The following ARID5B variants were observed in gnomAD, a reference collection of about 807,000 sequenced individuals.
The protein encoded by ARID5B is AT-rich interactive domain-containing protein 5B.
Under a neutral mutation model 97.2 loss-of-function variants are expected in ARID5B, and 13 were observed. The observed-to-expected ratio is 0.13, with a 90% CI of 0.09 to 0.21. The LOEUF is 0.21. Among genes scored for constraint, ARID5B ranks in the 10% least tolerant of loss-of-function variants. ARID5B has a pLI of 1.00. For missense variants in ARID5B, 1,210 were observed against 1,465.3 expected (o/e 0.83, Z 2.84); for synonymous variants, 556 against 570.3 (o/e 0.97, Z 0.36).
At chr10:61,933,367 T>G (rs1366645330) in intron 2 of ARID5B, among the ~76,000 whole-genome samples, 1 of 152,244 alleles carries the variant, frequency 6.6e-6, no homozygotes, top group Non-Finnish European at 1.5e-5. Flanking sequence ...TCTGTTAATA[T>G]TGATGTTTTG....
intron 2 of ARID5B, among the ~76,000 whole-genome samples, chr10:61,938,413 A>G (rs1041196254): frequency 6.6e-6 from 1 of 152,190 alleles, no homozygotes; most frequent in African/African-American, 2.4e-5. Context: ...TGATACACCT[A>G]ATTATTTTCC....
At chr10:61,974,983 G>A (rs1009711931) in intron 3 of ARID5B, among the ~76,000 whole-genome samples, 6 of 152,074 alleles carry the variant, frequency 3.9e-5, no homozygotes, top group Non-Finnish European at 8.8e-5. Flanking sequence ...AGGAATAATA[G>A]CATTGTTGGT....
Position 62,000,326 on chromosome 10 carries a change from G to C in ARID5B, c.733+5G>C. ...AGAGTATATGCGATGAGTTTGGTGAGTCTTTTTTTTTTTTTCCTACCTGAT... is the reference window on the plus strand; with the variant it reads ...AGAGTATATGCGATGAGTTTGGTGACTCTTTTTTTTTTTTTCCTACCTGAT... On this transcript the variant is annotated splice_donor_5th_base_variant and intron_variant, in intron 4 of 9. Transcript: ENST00000279873. This position sits in a 1 kb window ranked among gnomAD's most constrained non-coding sequence, Gnocchi z 4.4. 1 of 1,558,274 alleles carries C rather than the reference G, an allele frequency of 6.4e-7. No individual in the cohort carries two copies. Among genetic ancestry groups the C allele is most frequent in the Non-Finnish European group, 8.7e-7 (1 of 1,148,058 alleles).
chr10:61,948,118 T>G (rs916755488), intron 3 of ARID5B, among the ~76,000 whole-genome samples: 1 of 152,184 alleles, frequency 6.6e-6, no homozygotes, highest in Non-Finnish European at 1.5e-5. Flanking sequence ...GAACTTTCTG[T>G]GCTATTTTTA....
chr10:61,993,512 G>T (rs1484634816), intron 3 of ARID5B, among the ~76,000 whole-genome samples: 1 of 152,112 alleles, frequency 6.6e-6, no homozygotes, highest in Non-Finnish European at 1.5e-5. Context: ...TACCTTCCGA[G>T]AAATTATATT....
At chr10:62,036,436 G>A (rs143989251) in intron 4 of ARID5B, among the ~76,000 whole-genome samples, 196 of 152,268 alleles carry the variant, frequency 1.3e-3, no homozygotes, top group African/African-American at 4.5e-3. Context: ...CAATGCCAGA[G>A]CACTTTCCTG....
At chr10:62,069,232 C>CAAA (rs1287414361) in intron 7 of ARID5B, among the ~76,000 whole-genome samples, 1 of 152,170 alleles carries the variant, frequency 6.6e-6, no homozygotes, top group Non-Finnish European at 1.5e-5. Context: ...TCAGAAGATA[C>CAAA]AAAAGCATGT....
At chr10:61,996,328 T>C (rs1030751052) in intron 3 of ARID5B, among the ~76,000 whole-genome samples, 2 of 152,056 alleles carry the variant, frequency 1.3e-5, no homozygotes, top group Non-Finnish European at 2.9e-5. Context: ...TCGTCCCTAA[T>C]AGTGTAAACC....
intron 4 of ARID5B, among the ~76,000 whole-genome samples, chr10:62,016,097 T>C (rs750285422): frequency 2.0e-5 from 3 of 152,226 alleles, no homozygotes; most frequent in Non-Finnish European, 2.9e-5. Flanking sequence ...TCTATTCTCA[T>C]AGGTCAGTGT....
intron 3 of ARID5B, among the ~76,000 whole-genome samples, chr10:61,946,604 A>G (rs1392267660): frequency 6.6e-6 from 1 of 152,228 alleles, no homozygotes; most frequent in Non-Finnish European, 1.5e-5. Context: ...ATCATGAAGA[A>G]TCATTACAGA....
intron 2 of ARID5B, among the ~76,000 whole-genome samples, chr10:61,935,312 C>T (rs984887926): frequency 2.0e-5 from 3 of 152,100 alleles, no homozygotes; most frequent in Non-Finnish European, 4.4e-5. Context: ...AACCAGATGT[C>T]CCTCAGTCAG....
At chr10:62,044,651 C>A (rs539968188) in intron 4 of ARID5B, among the ~76,000 whole-genome samples, 1 of 152,192 alleles carries the variant, frequency 6.6e-6, no homozygotes, top group Admixed American at 6.5e-5. Context: ...AGTCATGAGC[C>A]ACCACCAGGG....
chr10:62,058,224 A>C (rs2132940336), intron 6 of ARID5B, among the ~76,000 whole-genome samples: 1 of 152,314 alleles, frequency 6.6e-6, no homozygotes, highest in Middle Eastern at 3.4e-3. Flanking sequence ...GGTTGCTTGA[A>C]ATAGAAGTAA....
At chr10:62,052,228 G>A (rs567046637) in intron 5 of ARID5B, among the ~76,000 whole-genome samples, 5 of 152,228 alleles carry the variant, frequency 3.3e-5, no homozygotes, top group Non-Finnish European at 5.9e-5. Context: ...AACTTTCTGC[G>A]AATTAACTCC....
Position 62,000,831 on chromosome 10 carries a change from T to TGATAGATAGATA in ARID5B, c.733+542_733+553dup, listed in dbSNP as rs10689655. 0.021 allele frequency among the ~76,000 whole-genome samples: 3,047 copies of TGATAGATAGATA among 148,582 alleles called. 39 individuals are homozygous for TGATAGATAGATA. Among genetic ancestry groups the TGATAGATAGATA allele is most frequent in the Middle Eastern group, 0.035 (10 of 288 alleles). On this transcript the variant is annotated intron_variant, in intron 4 of 9. Coordinates refer to ENST00000279873, the MANE Select transcript of ARID5B (RefSeq NM_032199.3). This position sits in a 1 kb window ranked among gnomAD's most constrained non-coding sequence, Gnocchi z 4.4. ...TACAGTAGATAGACACGTAGAGAGA[T>TGATAGATAGATA]GATAGATAGATAGATAGATAGATAG...
chr10:62,034,626 C>T (rs1299416882), intron 4 of ARID5B, among the ~76,000 whole-genome samples: 1 of 152,214 alleles, frequency 6.6e-6, no homozygotes, highest in Non-Finnish European at 1.5e-5. Flanking sequence ...TGAACAATTT[C>T]CTACCTTGAT....
rs377137922 is a variant in ARID5B, at chr10:61,982,219, G to A, written c.503-17872G>A. Among the ~76,000 whole-genome samples, 50 of 152,146 alleles carry A rather than the reference G, an allele frequency of 3.3e-4. 2 individuals are homozygous for A. The highest frequency in any genetic ancestry group is 1.2e-3 in the East Asian group (6 of 5,192). On this transcript the variant is annotated intron_variant, in intron 3 of 9. Coordinates refer to ENST00000279873, the MANE Select transcript of ARID5B (RefSeq NM_032199.3). ...ATAGGTGGGATGTTTTTGCCTCTGTGCTAAGTAAATTACATTCTAGAAGAA... is the reference window on the plus strand; with the variant it reads ...ATAGGTGGGATGTTTTTGCCTCTGTACTAAGTAAATTACATTCTAGAAGAA...
At chr10:61,937,752 C>G (rs530205531) in intron 2 of ARID5B, among the ~76,000 whole-genome samples, 1 of 152,284 alleles carries the variant, frequency 6.6e-6, no homozygotes, top group Admixed American at 6.5e-5. Context: ...GTATTAGGAA[C>G]TTTAGTCAGC....
chr10:62,093,027 G>C lies in ARID5B; in HGVS notation c.3564G>C (p.Leu1188=), dbSNP rs756652411. The change falls in exon 10 of 10, where the codon CTG becomes CTC. Residue 1188 remains leucine (L), a synonymous_variant. Transcript: ENST00000279873. ...QLSSVHPSTK[L] ...CATCCGTGCACCCCAGTACAAAACTGTAGGCTCAGCTCTGCCCAGCAGTCC... is the reference window on the plus strand; with the variant it reads ...CATCCGTGCACCCCAGTACAAAACTCTAGGCTCAGCTCTGCCCAGCAGTCC... The C allele has an allele frequency of 6.2e-7, 1 of 1,604,178 alleles. No homozygotes were observed. The highest frequency in any genetic ancestry group is 8.5e-7 in the Non-Finnish European group (1 of 1,177,364).
Sources: allele counts gnomAD v4.1 joint callset (sites outside exome capture counted in the v4.1 genomes callset), GRCh38; gene constraint gnomAD v4.1.1; non-coding constraint Gnocchi (gnomAD v3.1); transcripts MANE v1.5; gene names NCBI Gene and HGNC (gene_info 2026-07-23, HGNC 2026-07-21).